The following BRD8 variants were observed in gnomAD, a reference collection of about 807,000 sequenced individuals.
BRD8 encodes the protein bromodomain containing 8.
BRD8 carries 67 observed loss-of-function variants against 143.1 expected under a neutral mutation model. The observed-to-expected ratio is 0.47, with a 90% CI of 0.38 to 0.57. The LOEUF is 0.57. Ranked by LOEUF, BRD8 falls within the 20% of genes least tolerant of loss-of-function variation. The probability of loss-of-function intolerance (pLI) is 0.00; values close to 1 mark genes in which losing one functional copy is unlikely to be tolerated. For missense variants in BRD8, 1,103 were observed against 1,503.0 expected, an observed-to-expected ratio of 0.73 and a Z score of 4.40; for synonymous variants, 505 against 517.1, an observed-to-expected ratio of 0.98 and a Z score of 0.32.
Position 138,145,788 on chromosome 5 carries a change from C to T in BRD8, c.3368+1G>A. 6.2e-7 allele frequency: 1 copy of T among 1,613,492 alleles called. No homozygotes were observed. The highest frequency in any genetic ancestry group is 8.5e-7 in the Non-Finnish European group (1 of 1,179,450). On this transcript the variant is annotated splice_donor_variant, in intron 24 of 26. Transcript: ENST00000254900. LOFTEE classifies it high-confidence loss of function. Reference sequence around the variant, plus strand: ...ATCCTATTACCACTTTGGAGACCTACCTGTGACTGGCAATCATCTTCCAGA... The same window carrying T: ...ATCCTATTACCACTTTGGAGACCTATCTGTGACTGGCAATCATCTTCCAGA...
In BRD8 at chr5:138,150,810, G is replaced by T; in HGVS notation, c.3055C>A (p.Pro1019Thr). The T allele has an allele frequency of 6.2e-7, 1 of 1,614,170 alleles. No individual in the cohort carries two copies. The highest frequency in any genetic ancestry group is 1.1e-5 in the South Asian group (1 of 91,076). The stretch of plus-strand genomic sequence containing the variant: ...ACTGAGGGAGCTGAAGCCACCTCTG[G>T]CTTTCCATTTTCTCCCAGTGGCTTT... ...AEKPLGENGK[P>T]EVASAPSVIC... The change falls in exon 22 of 27, where the codon CCA becomes ACA. Residue 1019 changes from proline (P) to threonine (T), a missense_variant. Physicochemically the swap from Pro to Thr is conservative, Grantham distance 38. Transcript: ENST00000254900.
chr5:138,160,083 C>A lies in BRD8; in HGVS notation c.2518G>T (p.Asp840Tyr). ...GATCGCCTCACCTTCTCTGAAGCATCCTGTTTGCGGGTAGAATCTCTCCCT... is the reference window on the plus strand; with the variant it reads ...GATCGCCTCACCTTCTCTGAAGCATACTGTTTGCGGGTAGAATCTCTCCCT... ...LRGRDSTRKQ[D>Y]ASEKDSVPMG... Residue 840 changes from aspartate to tyrosine, a missense_variant, in exon 19 of 27, where the codon GAT (aspartate) becomes TAT (tyrosine). Physicochemically the swap from Asp to Tyr is radical, Grantham distance 160. This residue lies in a region of BRD8 where 64 missense variants were observed against 211.3 expected (regional missense o/e 0.30). Coordinates refer to ENST00000254900, the MANE Select transcript of BRD8 (RefSeq NM_139199.2). The A allele has an allele frequency of 6.2e-7, 1 of 1,613,938 alleles. No individual in the cohort carries two copies. Among genetic ancestry groups the A allele is most frequent in the Non-Finnish European group, 8.5e-7 (1 of 1,179,822 alleles).
chr5:138,161,012 G>C lies in BRD8; in HGVS notation c.2306C>G (p.Thr769Arg). Residue 769 changes from threonine (T) to arginine (R), a missense_variant, in exon 18 of 27, where the codon ACA becomes AGA. Thr to Arg is a moderately conservative substitution (Grantham distance 71). Coordinates refer to ENST00000254900, the MANE Select transcript of BRD8 (RefSeq NM_139199.2). ...CATAATGTCACGCTGAAATTCAGCT[G>C]TGCTTCGGATCAGTCCATTTTCTAT... ...KNIENGLIRS[T>R]AEFQRDIMLM... 6.2e-7 allele frequency: 1 copy of C among 1,613,904 alleles called. No individual in the cohort carries two copies. The highest frequency in any genetic ancestry group is 8.5e-7 in the Non-Finnish European group (1 of 1,179,914).
intron 23 of BRD8, among the ~76,000 whole-genome samples, chr5:138,146,673 G>A (rs1168357887): frequency 6.6e-6 from 1 of 152,120 alleles, no homozygotes; most frequent in Non-Finnish European, 1.5e-5. Flanking sequence ...CATGAGATAA[G>A]ATGTCTCAGA....
intron 8 of BRD8, among the ~76,000 whole-genome samples, chr5:138,168,309 G>A (rs1342712670): frequency 6.6e-6 from 1 of 152,180 alleles, no homozygotes; most frequent in Non-Finnish European, 1.5e-5. Context: ...CAGGACCCAT[G>A]GGTACTATCA....
chr5:138,153,864 C>CG (rs1212516392), intron 20 of BRD8, among the ~76,000 whole-genome samples: 12 of 151,764 alleles, frequency 7.9e-5, no homozygotes, highest in Non-Finnish European at 1.2e-4. Flanking sequence ...TTTATAGAGA[C>CG]GGGGTTTCAC....
chr5:138,160,837 C>A, intron 18 of BRD8, 54 bp downstream of exon 18: 1 of 1,491,284 alleles, frequency 6.7e-7, no homozygotes. Context: ...TGAATCCTCC[C>A]CTTGAAGTAT....
chr5:138,161,987 T>C, intron 16 of BRD8, 67 bp downstream of exon 16: 1 of 1,573,442 alleles, frequency 6.4e-7, no homozygotes, highest in Non-Finnish European at 8.7e-7. Flanking sequence ...CTACTCAGAC[T>C]TTTTTCCAGT....
At chr5:138,147,911 T>C (rs1230541163) in intron 23 of BRD8, among the ~76,000 whole-genome samples, 1 of 151,922 alleles carries the variant, frequency 6.6e-6, no homozygotes, top group African/African-American at 2.4e-5. Flanking sequence ...GCACTCTAAC[T>C]TGGGCAACAG....
At chr5:138,148,925 G>A (rs191960322) in intron 23 of BRD8, among the ~76,000 whole-genome samples, 1 of 151,830 alleles carries the variant, frequency 6.6e-6, no homozygotes, top group Admixed American at 6.5e-5. Flanking sequence ...AATCAGCTGG[G>A]TGTGGTGGCC....
At chr5:138,172,925 G>A (rs1267243129) in intron 2 of BRD8, 2 of 181,424 alleles carry the variant, frequency 1.1e-5, no homozygotes, top group Non-Finnish European at 1.2e-5. Flanking sequence ...GGGGGATGAA[G>A]GGGAAAAAGA....
intron 20 of BRD8, among the ~76,000 whole-genome samples, chr5:138,153,673 C>CTTTTTTTT (rs67848204): frequency 9.3e-6 from 1 of 107,356 alleles, no homozygotes; most frequent in Non-Finnish European, 1.9e-5. Flanking sequence ...CTTTTCTTTT[C>CTTTTTTTT]TTTTTTTTTT....
chr5:138,146,359 A>ATT (rs1310501840), intron 23 of BRD8, among the ~76,000 whole-genome samples: 8 of 109,458 alleles, frequency 7.3e-5, no homozygotes, highest in African/African-American at 1.7e-4. Context: ...TGCCCAGCCA[A>ATT]TTTTTTTTTT....
In BRD8 at chr5:138,163,644, C is replaced by G; in HGVS notation, c.1873-300G>C. 4 of 1,401,152 alleles carry G rather than the reference C, an allele frequency of 2.9e-6. No homozygotes were observed. The African/African-American group carries it at 5.7e-5, about 20-fold the overall frequency. The allele number at this position is 1,401,152 out of a possible 1,614,324, so 86.8% of individuals were successfully genotyped here. On this transcript the variant is annotated intron_variant, in intron 14 of 26. Coordinates refer to ENST00000254900, the MANE Select transcript of BRD8 (RefSeq NM_139199.2). ...CCCTTGCTCGAGAGTAACTCTGACC[C>G]TGGGTACAAAGTTATCAAAAATAAT...
intron 17 of BRD8, 108 bp downstream of exon 17, chr5:138,161,688 A>G: frequency 1.7e-6 from 2 of 1,147,976 alleles, no homozygotes; most frequent in Non-Finnish European, 2.5e-6. Context: ...CCTTATAGCA[A>G]AACCATAAAC....
chr5:138,164,708 A>C lies in BRD8; in HGVS notation c.1731+6T>G. 6.2e-7 allele frequency: 1 copy of C among 1,613,766 alleles called. No homozygotes were observed. Among genetic ancestry groups the C allele is most frequent in the Non-Finnish European group, 8.5e-7 (1 of 1,179,878 alleles). On this transcript the variant is annotated splice_donor_region_variant and intron_variant, in intron 12 of 26. Transcript: ENST00000254900. ...CATCTCCCCAGCCCCGATCTTTCTTAAGTACCTCTGTCTTCACATTTGTAA... is the reference window on the plus strand; with the variant it reads ...CATCTCCCCAGCCCCGATCTTTCTTCAGTACCTCTGTCTTCACATTTGTAA...
chr5:138,161,177 C>G, intron 17 of BRD8, 109 bp from the exon 18 acceptor site: 1 of 826,692 alleles, frequency 1.2e-6, no homozygotes, highest in Non-Finnish European at 1.8e-6. Context: ...TAACTCCCAG[C>G]TGCCAGGACT....
At chr5:138,146,706 C>T (rs921027146) in intron 23 of BRD8, among the ~76,000 whole-genome samples, 9 of 152,038 alleles carry the variant, frequency 5.9e-5, no homozygotes, top group Admixed American at 2.6e-4. Context: ...TGGTGGCTCA[C>T]GCCTGTAATC....
intron 20 of BRD8, chr5:138,157,547 C>A: frequency 2.3e-6 from 1 of 442,370 alleles, no homozygotes; most frequent in South Asian, 2.8e-5. Context: ...AGTCATCCCA[C>A]CCAGGCCCAA....
Sources: allele counts gnomAD v4.1 joint callset (sites outside exome capture counted in the v4.1 genomes callset), GRCh38; gene constraint gnomAD v4.1.1; regional missense constraint gnomAD v4.1.1; transcripts MANE v1.5; gene names NCBI Gene and HGNC (gene_info 2026-07-23, HGNC 2026-07-21).